NT5DC1: variants seen among roughly 807,000 people sequenced by gnomAD.
NT5DC1 encodes 5'-nucleotidase domain-containing protein 1.
In NT5DC1, 42 loss-of-function variants were observed where a neutral mutation model predicts 59.4. The ratio of observed to expected loss-of-function variants is 0.71; its 90% confidence interval spans 0.55 to 0.92. The LOEUF is 0.92. Among genes scored for constraint, NT5DC1 ranks in the 40% least tolerant of loss-of-function variants. The probability of loss-of-function intolerance (pLI) is 0.00; values close to 1 mark genes in which losing one functional copy is unlikely to be tolerated. For missense variants in NT5DC1, 501 were observed against 537.1 expected, an observed-to-expected ratio of 0.93 and a Z score of 0.66; for synonymous variants, 172 against 188.1, an observed-to-expected ratio of 0.91 and a Z score of 0.70.
intron 6 of NT5DC1, chr6:116,119,099 A>G (rs1779028589): frequency 6.5e-6 from 1 of 152,686 alleles, no homozygotes; most frequent in Non-Finnish European, 1.5e-5. Flanking sequence ...AGTGAGGCAC[A>G]GCTTAAAAGT....
chr6:116,118,495 C>T (rs1779011876), intron 6 of NT5DC1, among the ~76,000 whole-genome samples: 1 of 152,108 alleles, frequency 6.6e-6, no homozygotes. Flanking sequence ...GTGACTTGAG[C>T]CACATTGTCC....
At chr6:116,193,338 A>G (rs1781159740) in intron 6 of NT5DC1, among the ~76,000 whole-genome samples, 1 of 152,100 alleles carries the variant, frequency 6.6e-6, no homozygotes, top group Admixed American at 6.6e-5. Context: ...AGGATGTTTT[A>G]CTTTTAAACA....
chr6:116,212,410 A>G (rs1781598987), intron 6 of NT5DC1, among the ~76,000 whole-genome samples: 2 of 152,134 alleles, frequency 1.3e-5, no homozygotes, highest in African/African-American at 4.8e-5. Context: ...TCCTATTTAT[A>G]TAATACACTG....
chr6:116,121,337 G>A (rs750320317), intron 6 of NT5DC1: 2 of 1,614,076 alleles, frequency 1.2e-6, no homozygotes, highest in South Asian at 2.2e-5. Context: ...AATGCCTTCT[G>A]GCCCTCGTTC....
intron 10 of NT5DC1, 58 bp downstream of exon 10, chr6:116,238,406 A>G: frequency 1.5e-6 from 2 of 1,303,862 alleles, no homozygotes; most frequent in Non-Finnish European, 2.1e-6. Flanking sequence ...TGAAAGCTAA[A>G]GTATCTTTAT....
At chr6:116,188,698 A>G (rs1404006085) in intron 6 of NT5DC1, among the ~76,000 whole-genome samples, 1 of 128,164 alleles carries the variant, frequency 7.8e-6, no homozygotes, top group Non-Finnish European at 1.6e-5. Context: ...TATCCTGGAA[A>G]TTTTCTACTT....
intron 6 of NT5DC1, among the ~76,000 whole-genome samples, chr6:116,140,281 C>T (rs540297294): frequency 1.3e-5 from 2 of 152,252 alleles, no homozygotes; most frequent in East Asian, 1.9e-4. Flanking sequence ...AGCTGAAATG[C>T]CGTGGTAGCA....
chr6:116,111,751 G>A (rs1778879482), intron 4 of NT5DC1, among the ~76,000 whole-genome samples: 1 of 152,120 alleles, frequency 6.6e-6, no homozygotes, highest in South Asian at 2.1e-4. Flanking sequence ...TTGTTTGCTT[G>A]TTTGTTTTTA....
At chr6:116,183,715 G>A (rs1451371878) in intron 6 of NT5DC1, among the ~76,000 whole-genome samples, 2 of 151,826 alleles carry the variant, frequency 1.3e-5, no homozygotes, top group Admixed American at 6.6e-5. Context: ...CACTGTTAGT[G>A]TATAGCAGGG....
intron 6 of NT5DC1, chr6:116,120,850 G>A (rs1212067037): frequency 2.5e-6 from 4 of 1,613,874 alleles, no homozygotes; most frequent in East Asian, 2.2e-5. Flanking sequence ...GGCCCACAGG[G>A]CCTGGGAGAC....
At chr6:116,131,801 T>G (rs970685431) in intron 6 of NT5DC1, among the ~76,000 whole-genome samples, 1 of 152,118 alleles carries the variant, frequency 6.6e-6, no homozygotes, top group Non-Finnish European at 1.5e-5. Context: ...CATTAGTTAT[T>G]TTTCCTAATC....
intron 6 of NT5DC1, among the ~76,000 whole-genome samples, chr6:116,149,307 A>G (rs946192546): frequency 2.0e-5 from 3 of 152,234 alleles, no homozygotes; most frequent in South Asian, 2.1e-4. Flanking sequence ...CATCACTGCA[A>G]AATTTCAGAA....
rs1343840519 is a variant in NT5DC1 at position 116,244,960 on chromosome 6, A to G, written c.*936A>G. On this transcript the variant is annotated 3_prime_UTR_variant, in exon 12 of 12. Coordinates refer to ENST00000319550, the MANE Select transcript of NT5DC1 (RefSeq NM_152729.3). ...ATTAGATATGGCTTGTGGACTTCCAATATCATCCTATCCAACAAAATCTTA... is the reference window on the plus strand; with the variant it reads ...ATTAGATATGGCTTGTGGACTTCCAGTATCATCCTATCCAACAAAATCTTA... 6.6e-6 allele frequency: 1 copy of G among 152,216 alleles called. No individual in the cohort carries two copies. The highest frequency in any genetic ancestry group is 6.5e-5 in the Admixed American group (1 of 15,288). The allele number at this position is 152,216 out of a possible 1,614,324, so 9.4% of individuals were successfully genotyped here. A position where few individuals can be genotyped will look rare whatever the true frequency, so the allele number is the denominator to read the frequency against.
intron 6 of NT5DC1, among the ~76,000 whole-genome samples, chr6:116,193,134 T>C (rs1248207888): frequency 6.6e-6 from 1 of 152,078 alleles, no homozygotes; most frequent in African/African-American, 2.4e-5. Flanking sequence ...CTTTCTTGAC[T>C]ATTCAGTTTG....
chr6:116,233,708 C>T (rs1291914905), intron 8 of NT5DC1, among the ~76,000 whole-genome samples: 5 of 152,146 alleles, frequency 3.3e-5, no homozygotes, highest in Admixed American at 1.3e-4. Context: ...TGGGCAGATT[C>T]CTTAACTTTT....
intron 6 of NT5DC1, among the ~76,000 whole-genome samples, chr6:116,140,716 A>G (rs141189651): frequency 6.6e-6 from 1 of 152,278 alleles, no homozygotes; most frequent in Non-Finnish European, 1.5e-5. Context: ...TTTAAATTAT[A>G]TATTTAAAAG....
chr6:116,110,759 C>T lies in NT5DC1; in HGVS notation c.258-91C>T, dbSNP rs1336234475. 15 of 934,674 alleles carry T rather than the reference C, an allele frequency of 1.6e-5. No individual in the cohort carries two copies. The Admixed American group carries it at 2.5e-4, about 16-fold the overall frequency. 57.9% of individuals were successfully genotyped at this position (934,674 alleles called of 1,614,324 possible). A position where few individuals can be genotyped will look rare whatever the true frequency, so the allele number is the denominator to read the frequency against. ...AAAATACATATGTTTTTGTTAGCTC[C>T]AGTGGCAACAGGGATCAACAGTCAC... On this transcript the variant is annotated intron_variant, in intron 3 of 11. Transcript: ENST00000319550.
intron 6 of NT5DC1, among the ~76,000 whole-genome samples, chr6:116,133,460 T>C (rs989962261): frequency 6.6e-6 from 1 of 152,208 alleles, no homozygotes; most frequent in Non-Finnish European, 1.5e-5. Flanking sequence ...CCATCTATAG[T>C]GTACAAAGTA....
chr6:116,216,090 C>T (rs1200437383), intron 6 of NT5DC1, among the ~76,000 whole-genome samples: 1 of 151,966 alleles, frequency 6.6e-6, no homozygotes, highest in African/African-American at 2.4e-5. Flanking sequence ...TCTAGAGTAC[C>T]ATGCTTAATT....
Sources: gnomAD v4.1 joint callset for allele counts (sites outside exome capture counted in the v4.1 genomes callset) on GRCh38, gnomAD v4.1.1 for gene constraint, MANE v1.5 for transcripts, NCBI Gene and HGNC (gene_info 2026-07-23, HGNC 2026-07-21) for gene names.